CHLSN: variants seen among roughly 807,000 people sequenced by gnomAD.
CHLSN encodes protein cholesin.
the CHLSN span, among the ~76,000 whole-genome samples, chr7:1,030,957 C>T: frequency 6.6e-6 from 1 of 152,228 alleles, no homozygotes; most frequent in Non-Finnish European, 1.5e-5. Flanking sequence ...TCCACCCAGG[C>T]TGAGCTAAGG....
At chr7:1,100,547 G>A in the CHLSN span, among the ~76,000 whole-genome samples, 2 of 152,198 alleles carry the variant, frequency 1.3e-5, no homozygotes, top group African/African-American at 4.8e-5. Context: ...TGGGGAGCCT[G>A]GGCCGTGCGC....
chr7:1,125,612 G>C, the CHLSN span, among the ~76,000 whole-genome samples: 183 of 152,308 alleles, frequency 1.2e-3, no homozygotes, highest in Non-Finnish European at 2.0e-3. Context: ...AAGCAACAAA[G>C]CTACAACACT....
the CHLSN span, among the ~76,000 whole-genome samples, chr7:1,054,838 G>T: frequency 6.6e-6 from 1 of 152,230 alleles, no homozygotes; most frequent in Non-Finnish European, 1.5e-5. Context: ...CTCTGCTTCC[G>T]ACCTGAACCT....
the CHLSN span, among the ~76,000 whole-genome samples, chr7:1,012,200 C>A: frequency 6.6e-6 from 1 of 152,252 alleles, no homozygotes; most frequent in South Asian, 2.1e-4. Context: ...GTTAGGGCTG[C>A]ACAGGGGCCG....
chr7:984,251 C>T, the CHLSN span, among the ~76,000 whole-genome samples: 5 of 152,232 alleles, frequency 3.3e-5, no homozygotes, highest in Admixed American at 1.3e-4. Context: ...CTGCCCCCTC[C>T]ACCCTGCACC....
chr7:983,637 T>C, the CHLSN span, among the ~76,000 whole-genome samples: 5 of 151,626 alleles, frequency 3.3e-5, no homozygotes, highest in Admixed American at 2.6e-4. Flanking sequence ...GGAGCAGGAG[T>C]CTGGAGGGCT....
At chr7:1,014,755 G>C in the CHLSN span, among the ~76,000 whole-genome samples, 2 of 152,276 alleles carry the variant, frequency 1.3e-5, no homozygotes, top group African/African-American at 4.8e-5. Context: ...CACATGCACA[G>C]AAACGAGCCC....
the CHLSN span, among the ~76,000 whole-genome samples, chr7:1,014,718 A>G: frequency 6.6e-6 from 1 of 152,212 alleles, no homozygotes; most frequent in Non-Finnish European, 1.5e-5. Context: ...ACGGTTCCGA[A>G]TTTTCCTAAG....
the CHLSN span, among the ~76,000 whole-genome samples, chr7:1,121,050 CA>C: frequency 6.6e-6 from 1 of 152,142 alleles, no homozygotes; most frequent in Non-Finnish European, 1.5e-5. Flanking sequence ...AAAAACGGAT[CA>C]AAAACGGATG....
chr7:997,902 A>AG, the CHLSN span: 1 of 1,178,336 alleles, frequency 8.5e-7, no homozygotes, highest in Non-Finnish European at 1.2e-6. Flanking sequence ...CCCGGGCCTC[A>AG]GGCTTCCGTC....
chr7:1,035,653 A>G, the CHLSN span, among the ~76,000 whole-genome samples: 355 of 152,304 alleles, frequency 2.3e-3, 3 homozygotes, highest in African/African-American at 8.1e-3. Flanking sequence ...GCGGGTGAGG[A>G]TGTGGAGCAA....
At chr7:1,106,811 C>A in the CHLSN span, among the ~76,000 whole-genome samples, 6 of 152,216 alleles carry the variant, frequency 3.9e-5, no homozygotes, top group African/African-American at 1.4e-4. Flanking sequence ...GAATCTGCCG[C>A]CCCCTTCCCT....
chr7:993,001 G>A, the CHLSN span, among the ~76,000 whole-genome samples: 27,169 of 152,218 alleles, frequency 0.18, 2,702 homozygotes, highest in Admixed American at 0.22. Flanking sequence ...TAACAAGCGG[G>A]GGAGGGGGTG....
chr7:987,348 C>A, the CHLSN span: 28 of 1,574,170 alleles, frequency 1.8e-5, no homozygotes, highest in Admixed American at 1.0e-4. Flanking sequence ...TTGCCCCAGG[C>A]CGGGTGCAGG....
chr7:1,121,491 A>T, the CHLSN span, among the ~76,000 whole-genome samples: 1 of 152,214 alleles, frequency 6.6e-6, no homozygotes, highest in African/African-American at 2.4e-5. Context: ...TCACGGCCTC[A>T]TTTGATGGTT....
chr7:1,134,226 T>C, the CHLSN span, among the ~76,000 whole-genome samples: 10 of 148,718 alleles, frequency 6.7e-5, no homozygotes, highest in Non-Finnish European at 1.2e-4. Context: ...TGAATCACGA[T>C]CACGCCATGA....
the CHLSN span, among the ~76,000 whole-genome samples, chr7:1,103,292 T>C: frequency 1.3e-5 from 2 of 152,120 alleles, no homozygotes; most frequent in African/African-American, 4.8e-5. Flanking sequence ...TGGGCTGAGA[T>C]TGTCGGGTGA....
chr7:1,010,453 T>A, the CHLSN span, among the ~76,000 whole-genome samples: 1 of 152,216 alleles, frequency 6.6e-6, no homozygotes, highest in Non-Finnish European at 1.5e-5. Context: ...TGTGAGGTCC[T>A]GCCCCACCCC....
At chr7:1,134,111 T>C in the CHLSN span, among the ~76,000 whole-genome samples, 3 of 152,012 alleles carry the variant, frequency 2.0e-5, no homozygotes, top group African/African-American at 4.8e-5. Context: ...AATATATATA[T>C]ATATTTTTTT....
Sources: gnomAD v4.1 joint callset for allele counts (sites outside exome capture counted in the v4.1 genomes callset) on GRCh38, gnomAD v4.1.1 for gene constraint, MANE v1.5 for transcripts, NCBI Gene and HGNC (gene_info 2026-07-23, HGNC 2026-07-21) for gene names.